MYO5C: variants seen among roughly 807,000 people sequenced by gnomAD.
MYO5C encodes the protein myosin VC, also known as unconventional myosin-Vc.
A neutral mutation model predicts 235.7 loss-of-function variants in MYO5C; 194 were observed. The observed-to-expected ratio is 0.82, with a 90% confidence interval of 0.73 to 0.93. MYO5C has a LOEUF of 0.93. MYO5C is among the 40% of genes least tolerant of loss of function. The pLI is 0.00. For synonymous variants in MYO5C, 707 were observed against 754.8 expected, an observed-to-expected ratio of 0.94 and a Z score of 1.04; for missense variants, 2,038 against 2,127.2, an observed-to-expected ratio of 0.96 and a Z score of 0.82.
intron 14 of MYO5C, 29 bp from the exon 15 acceptor site, chr15:52,247,621 C>G: frequency 1.2e-6 from 2 of 1,611,344 alleles, no homozygotes; most frequent in South Asian, 2.2e-5. Context: ...ATCTCAATGT[C>G]CAAAAGCAAC....
chr15:52,205,448 C>A, intron 37 of MYO5C: 1 of 380,312 alleles, frequency 2.6e-6, no homozygotes, highest in South Asian at 5.4e-5. Flanking sequence ...GCATTAAAGC[C>A]TAAAGTATTT....
chr15:52,279,382 C>A, intron 3 of MYO5C, 127 bp downstream of exon 3: 1 of 926,868 alleles, frequency 1.1e-6, no homozygotes, highest in Non-Finnish European at 1.6e-6. Flanking sequence ...AAGATTCTCC[C>A]CACCCAGACA....
chr15:52,233,991 T>G (rs1296007086), intron 23 of MYO5C, among the ~76,000 whole-genome samples: 1 of 152,252 alleles, frequency 6.6e-6, no homozygotes, highest in Admixed American at 6.5e-5. Flanking sequence ...AATGACTGCT[T>G]CAGAACGTTG....
chr15:52,285,796 A>G (rs1055202043), intron 1 of MYO5C, among the ~76,000 whole-genome samples: 1 of 152,120 alleles, frequency 6.6e-6, no homozygotes, highest in Non-Finnish European at 1.5e-5. Context: ...GCTGGAGTGC[A>G]GTGGCGTGAT....
In MYO5C at chr15:52,235,656, C is replaced by A; in HGVS notation, c.2962+14G>T. ...AATCAGTGAATGTCTGGATTTGTGCCCCCCAAGCTTTACCTTTTAACTCTT... is the reference window on the plus strand; with the variant it reads ...AATCAGTGAATGTCTGGATTTGTGCACCCCAAGCTTTACCTTTTAACTCTT... On this transcript the variant is annotated intron_variant, in intron 23 of 40. Transcript: ENST00000261839. 3.1e-6 allele frequency: 5 copies of A among 1,587,718 alleles called. No homozygotes were observed. The highest frequency in any genetic ancestry group is 4.3e-6 in the Non-Finnish European group (5 of 1,162,964).
intron 23 of MYO5C, among the ~76,000 whole-genome samples, chr15:52,233,024 A>G (rs1173534045): frequency 7.3e-5 from 1 of 13,702 alleles, no homozygotes; most frequent in East Asian, 4.2e-4. Context: ...TCACGCCTGT[A>G]ATCCCAGCAC....
chr15:52,271,350 T>C (rs187456545), intron 7 of MYO5C, among the ~76,000 whole-genome samples: 6 of 152,134 alleles, frequency 3.9e-5, no homozygotes, highest in Admixed American at 3.9e-4. Flanking sequence ...TGCCTCAGCC[T>C]CCCAAGTAGC....
intron 28 of MYO5C, among the ~76,000 whole-genome samples, chr15:52,224,484 G>T (rs117128185): frequency 1.3e-5 from 2 of 152,134 alleles, no homozygotes; most frequent in Non-Finnish European, 2.9e-5. Flanking sequence ...TGACAGTGGG[G>T]GAGGTTGTGT....
intron 13 of MYO5C, among the ~76,000 whole-genome samples, chr15:52,250,365 C>A (rs1288561731): frequency 6.6e-6 from 1 of 151,696 alleles, no homozygotes; most frequent in Non-Finnish European, 1.5e-5. Context: ...GCCTCAGCCA[C>A]CTGAGTAGCT....
chr15:52,216,460 G>T (rs1421475843), intron 32 of MYO5C, among the ~76,000 whole-genome samples: 3 of 152,124 alleles, frequency 2.0e-5, no homozygotes, highest in Non-Finnish European at 4.4e-5. Context: ...TCATACTTCT[G>T]CCATGACATC....
intron 32 of MYO5C, among the ~76,000 whole-genome samples, chr15:52,215,042 C>G (rs2035523643): frequency 6.6e-6 from 1 of 152,150 alleles, no homozygotes; most frequent in South Asian, 2.1e-4. Context: ...GTGTGTGTGT[C>G]TGGCTTCTTT....
At chr15:52,234,351 G>A (rs1237805288) in intron 23 of MYO5C, among the ~76,000 whole-genome samples, 2 of 152,182 alleles carry the variant, frequency 1.3e-5, no homozygotes, top group Non-Finnish European at 2.9e-5. Flanking sequence ...ATATTACATT[G>A]AAAGTTTTCA....
At chr15:52,220,341 A>C (rs1381162926) in intron 30 of MYO5C, among the ~76,000 whole-genome samples, 1 of 152,086 alleles carries the variant, frequency 6.6e-6, no homozygotes, top group Non-Finnish European at 1.5e-5. Flanking sequence ...TGGAGGCAGC[A>C]GCCTGTTTAT....
intron 16 of MYO5C, among the ~76,000 whole-genome samples, 160 bp from the exon 17 acceptor site, chr15:52,246,202 A>G (rs2036340277): frequency 1.3e-5 from 2 of 152,222 alleles, no homozygotes; most frequent in South Asian, 4.1e-4. Flanking sequence ...GCACCTCTGC[A>G]AAACAGTCCA....
intron 37 of MYO5C, 68 bp from the exon 38 acceptor site, chr15:52,205,215 C>A: frequency 6.5e-7 from 1 of 1,542,944 alleles, no homozygotes; most frequent in East Asian, 2.3e-5. Flanking sequence ...CGACGCTCTT[C>A]GGTTTGTTTC....
At chr15:52,246,280 G>A (rs904977235) in intron 16 of MYO5C, among the ~76,000 whole-genome samples, 1 of 152,206 alleles carries the variant, frequency 6.6e-6, no homozygotes, top group Non-Finnish European at 1.5e-5. Context: ...AGAAGGCCAT[G>A]GGGGAACTGG....
At chr15:52,277,757 A>C (rs1416481548) in intron 4 of MYO5C, 1 of 442,110 alleles carries the variant, frequency 2.3e-6, no homozygotes, top group Non-Finnish European at 4.5e-6. Flanking sequence ...GCTGCACGGC[A>C]CCGGGTCTCT....
At chr15:52,219,725 C>T (rs376414294) in intron 31 of MYO5C, 34 bp downstream of exon 31, 31 of 1,541,222 alleles carry the variant, frequency 2.0e-5, no homozygotes, top group Non-Finnish European at 2.5e-5. Flanking sequence ...ATTACACGAG[C>T]ATGAACTTGA....
Position 52,245,887 on chromosome 15 carries a change from T to C in MYO5C, c.2066+69A>G. ...TATGTGACAAAAATCATGGCAGCCA[T>C]GTCCTTGGTTCTCAGCATAGCTCTG... On this transcript the variant is annotated intron_variant, in intron 17 of 40. Coordinates refer to ENST00000261839, the MANE Select transcript of MYO5C (RefSeq NM_018728.4). The C allele has an allele frequency of 4.3e-6, 6 of 1,406,576 alleles. No homozygotes were observed. In the South Asian group the frequency reaches 5.9e-5, roughly 14 times the overall value. 87.1% of individuals were successfully genotyped at this position (1,406,576 alleles called of 1,614,324 possible). A position where few individuals can be genotyped will look rare whatever the true frequency, so the allele number is the denominator to read the frequency against.
Sources: gnomAD v4.1 joint callset for allele counts (sites outside exome capture counted in the v4.1 genomes callset) on GRCh38, gnomAD v4.1.1 for gene constraint, MANE v1.5 for transcripts, NCBI Gene and HGNC (gene_info 2026-07-23, HGNC 2026-07-21) for gene names.